Variants in LAMA2 observed in about 807,000 individuals in gnomAD.
LAMA2 encodes the protein laminin subunit alpha-2.
In LAMA2, 269 loss-of-function variants were observed where a neutral mutation model predicts 364.8. The ratio of observed to expected loss-of-function variants is 0.74; its 90% CI spans 0.67 to 0.82. LAMA2 has a LOEUF of 0.82. Among genes scored for constraint, LAMA2 ranks in the 40% least tolerant of loss-of-function variants. LAMA2 has a pLI of 0.00. For missense variants in LAMA2, 3,807 were observed against 3,873.2 expected, an observed-to-expected ratio of 0.98 and a Z score of 0.45; for synonymous variants, 1,379 against 1,370.6, an observed-to-expected ratio of 1.01 and a Z score of -0.14.
At chr6:129,005,586 G>A (rs978923131) in intron 1 of LAMA2, among the ~76,000 whole-genome samples, 5 of 151,466 alleles carry the variant, frequency 3.3e-5, no homozygotes, top group African/African-American at 1.2e-4. Context: ...CAGATCCCAT[G>A]CTTAACACAT....
At chr6:129,176,601 T>C (rs1156238785) in intron 9 of LAMA2, among the ~76,000 whole-genome samples, 1 of 152,150 alleles carries the variant, frequency 6.6e-6, no homozygotes, top group African/African-American at 2.4e-5. Context: ...TAGTGCTTAT[T>C]TGAAGCATAA....
At chr6:128,921,697 G>GTTTTTTTTT (rs547882651) in intron 1 of LAMA2, among the ~76,000 whole-genome samples, 2 of 118,050 alleles carry the variant, frequency 1.7e-5, no homozygotes, top group African/African-American at 7.5e-5. Flanking sequence ...ATGAATGTCT[G>GTTTTTTTTT]TTTTTTTTTT....
chr6:129,501,223 C>T (rs536489859), intron 58 of LAMA2, among the ~76,000 whole-genome samples: 10 of 152,250 alleles, frequency 6.6e-5, no homozygotes, highest in South Asian at 4.1e-4. Context: ...CCTTTCCATT[C>T]GGGCTCTTTT....
chr6:129,249,181 A>G (rs776484483), intron 12 of LAMA2, among the ~76,000 whole-genome samples: 1 of 152,184 alleles, frequency 6.6e-6, no homozygotes, highest in Non-Finnish European at 1.5e-5. Context: ...GTGAAAGGCC[A>G]TAGAGAGCCA....
At position 129,187,959 on chromosome 6, in the gene LAMA2, G is replaced by A. The variant is rs187745771; in HGVS notation, c.1468-2246G>A. On this transcript the variant is annotated intron_variant, in intron 10 of 64. Coordinates refer to ENST00000421865, the MANE Select transcript of LAMA2 (RefSeq NM_000426.4). ...GTTCCCAATGTCTTTGCTAACATCG[G>A]TCTCTCATTCTATCTATGTCCACAA... 1.6e-3 allele frequency among the ~76,000 whole-genome samples: 248 copies of A among 151,786 alleles called. 1 individual carries two copies. Among genetic ancestry groups the A allele is most frequent in the African/African-American group, 5.8e-3 (240 of 41,470 alleles).
intron 34 of LAMA2, among the ~76,000 whole-genome samples, chr6:129,379,210 C>T (rs537629433): frequency 3.3e-5 from 5 of 151,732 alleles, no homozygotes; most frequent in Admixed American, 6.6e-5. Flanking sequence ...TACCAGAGGG[C>T]GGAGGATGGG....
At chr6:128,904,624 T>A (rs1357545822) in intron 1 of LAMA2, among the ~76,000 whole-genome samples, 1 of 151,878 alleles carries the variant, frequency 6.6e-6, no homozygotes, top group African/African-American at 2.4e-5. Flanking sequence ...CTGGCTAATT[T>A]ATTCTTGTAT....
At chr6:128,885,353 T>C (rs900311262) in intron 1 of LAMA2, among the ~76,000 whole-genome samples, 1 of 152,220 alleles carries the variant, frequency 6.6e-6, no homozygotes, top group South Asian at 2.1e-4. Flanking sequence ...GATATTATTA[T>C]TCTCAAAGGA....
intron 1 of LAMA2, among the ~76,000 whole-genome samples, chr6:128,926,123 AT>A (rs1310631898): frequency 1.3e-5 from 2 of 152,060 alleles, no homozygotes; most frequent in Non-Finnish European, 2.9e-5. Flanking sequence ...TTTCCATTCT[AT>A]TTGAAAGTTG....
At chr6:129,456,545 G>C in intron 48 of LAMA2, 51 bp downstream of exon 48, 1 of 1,496,324 alleles carries the variant, frequency 6.7e-7, no homozygotes. Flanking sequence ...GACATCTCCT[G>C]ACATAATTAC....
chr6:129,193,161 T>C (rs1343987246), intron 12 of LAMA2, among the ~76,000 whole-genome samples: 1 of 152,180 alleles, frequency 6.6e-6, no homozygotes, highest in Non-Finnish European at 1.5e-5. Flanking sequence ...AGAAACTGTG[T>C]TGTGTTTATG....
At chr6:129,432,119 C>G (rs1053572296) in intron 41 of LAMA2, among the ~76,000 whole-genome samples, 2 of 152,128 alleles carry the variant, frequency 1.3e-5, no homozygotes, top group Non-Finnish European at 2.9e-5. Context: ...GCTCTATTGA[C>G]CACAATTTTA....
chr6:129,165,300 A>C (rs991221245), intron 8 of LAMA2, among the ~76,000 whole-genome samples: 4 of 152,082 alleles, frequency 2.6e-5, no homozygotes, highest in Admixed American at 2.0e-4. Context: ...TGTATACAAG[A>C]TAAAAAGGAA....
At chr6:129,054,651 TA>T (rs1287312978) in intron 2 of LAMA2, among the ~76,000 whole-genome samples, 1 of 148,998 alleles carries the variant, frequency 6.7e-6, no homozygotes, top group Non-Finnish European at 1.5e-5. Context: ...ATATTTAAAT[TA>T]AACATGAAAT....
At chr6:128,944,926 A>G (rs938066222) in intron 1 of LAMA2, among the ~76,000 whole-genome samples, 1 of 152,146 alleles carries the variant, frequency 6.6e-6, no homozygotes, top group Non-Finnish European at 1.5e-5. Flanking sequence ...CTATTCTCCA[A>G]TCATCTCCCA....
chr6:128,910,502 A>T, intron 1 of LAMA2, among the ~76,000 whole-genome samples: 1 of 151,806 alleles, frequency 6.6e-6, no homozygotes, highest in East Asian at 1.9e-4. Flanking sequence ...TCCTTTAAGC[A>T]TTTCTCTGTA....
intron 1 of LAMA2, among the ~76,000 whole-genome samples, chr6:129,011,869 T>C (rs1784789850): frequency 6.6e-6 from 1 of 152,248 alleles, no homozygotes; most frequent in Admixed American, 6.5e-5. Context: ...GTCCTAAGCC[T>C]CTTTTATCAT....
Position 129,265,171 on chromosome 6 carries a change from C to A in LAMA2, c.2209-1935C>A, listed in dbSNP as rs561724729. On this transcript the variant is annotated intron_variant, in intron 15 of 64. Coordinates refer to ENST00000421865, the MANE Select transcript of LAMA2 (RefSeq NM_000426.4). Reference sequence around the variant, plus strand: ...AATATTTCTTTAGGAGGAAGGACCCCACATTCCCCACATCACTTGTTTGGA... The same window carrying A: ...AATATTTCTTTAGGAGGAAGGACCCAACATTCCCCACATCACTTGTTTGGA... Among the ~76,000 whole-genome samples the A allele has an allele frequency of 5.3e-5, 8 of 152,196 alleles. No homozygotes were observed. In the East Asian group the frequency reaches 1.2e-3, roughly 22 times the overall value.
At chr6:129,062,704 A>C (rs1789011141) in intron 3 of LAMA2, among the ~76,000 whole-genome samples, 2 of 152,186 alleles carry the variant, frequency 1.3e-5, no homozygotes, top group Admixed American at 1.3e-4. Flanking sequence ...TATAATGAAT[A>C]GGTAAATATC....
Sources: gnomAD v4.1 joint callset for allele counts (sites outside exome capture counted in the v4.1 genomes callset) on GRCh38, gnomAD v4.1.1 for gene constraint, MANE v1.5 for transcripts, NCBI Gene and HGNC (gene_info 2026-07-23, HGNC 2026-07-21) for gene names.